Variants in TSPAN5 observed in about 807,000 individuals in gnomAD.
TSPAN5 encodes the protein tetraspanin 5, also known as tetraspanin-5.
A neutral mutation model predicts 37.1 loss-of-function variants in TSPAN5; 10 were observed. The ratio of observed to expected loss-of-function variants is 0.27; its 90% CI spans 0.17 to 0.46. TSPAN5 has a LOEUF of 0.46. Among genes scored for constraint, TSPAN5 ranks in the 20% least tolerant of loss-of-function variants. The probability of loss-of-function intolerance (pLI) is 1.00; values close to 1 mark genes in which losing one functional copy is unlikely to be tolerated. For synonymous variants in TSPAN5, 110 were observed against 118.9 expected, an observed-to-expected ratio of 0.93 and a Z score of 0.48; for missense variants, 195 against 326.6, an observed-to-expected ratio of 0.60 and a Z score of 3.11.
At chr4:98,570,927 C>A (rs1755104145) in intron 1 of TSPAN5, among the ~76,000 whole-genome samples, 1 of 151,610 alleles carries the variant, frequency 6.6e-6, no homozygotes, top group Non-Finnish European at 1.5e-5. Flanking sequence ...CAGGGCCTCT[C>A]AGGGTGCCTG....
chr4:98,570,478 T>C (rs1241331452), intron 1 of TSPAN5, among the ~76,000 whole-genome samples: 1 of 152,120 alleles, frequency 6.6e-6, no homozygotes, highest in African/African-American at 2.4e-5. Context: ...TACTTTCCAT[T>C]GACTGAAAAT....
At chr4:98,630,258 A>G (rs1756710181) in intron 1 of TSPAN5, among the ~76,000 whole-genome samples, 1 of 152,178 alleles carries the variant, frequency 6.6e-6, no homozygotes, top group East Asian at 1.9e-4. Flanking sequence ...CCAAACGAAA[A>G]GCACTGCAGC....
chr4:98,529,890 T>C (rs1416893116), intron 1 of TSPAN5, among the ~76,000 whole-genome samples: 1 of 152,198 alleles, frequency 6.6e-6, no homozygotes, highest in Non-Finnish European at 1.5e-5. Context: ...ACTGCTGTAA[T>C]CCTAAAAAGA....
At position 98,552,957 on chromosome 4, in the gene TSPAN5, C is replaced by T. The variant is rs1754656543; in HGVS notation, c.82-45229G>A. Among the ~76,000 whole-genome samples the T allele has an allele frequency of 3.9e-5, 6 of 152,154 alleles. No individual in the cohort carries two copies. In the South Asian group the frequency reaches 1.2e-3, roughly 32 times the overall value. ...TCCCTTCTCCATAACTAGTTTACCT[C>T]TTAAAGGGTATCTGGAATTTCAGTT... On this transcript the variant is annotated intron_variant, in intron 1 of 7. Transcript: ENST00000305798.
chr4:98,593,850 C>T (rs35862935), intron 1 of TSPAN5, among the ~76,000 whole-genome samples: 1,546 of 44,726 alleles, frequency 0.035, 453 homozygotes, highest in East Asian at 0.19. Flanking sequence ...AGCCTTGTAG[C>T]ATAGTTTGAA....
At chr4:98,591,069 GTTTT>G (rs200525592) in intron 1 of TSPAN5, among the ~76,000 whole-genome samples, 2 of 137,922 alleles carry the variant, frequency 1.5e-5, no homozygotes, top group African/African-American at 2.9e-5. Context: ...CCTTTTTTTT[GTTTT>G]TTTGTTTTTT....
chr4:98,562,564 G>A (rs1421238910), intron 1 of TSPAN5, among the ~76,000 whole-genome samples: 1 of 152,176 alleles, frequency 6.6e-6, no homozygotes, highest in Non-Finnish European at 1.5e-5. Context: ...AGGAGGCTGA[G>A]GCAGGAGAAC....
At chr4:98,519,830 G>A (rs1168327233) in intron 1 of TSPAN5, among the ~76,000 whole-genome samples, 1 of 152,148 alleles carries the variant, frequency 6.6e-6, no homozygotes, top group Non-Finnish European at 1.5e-5. Flanking sequence ...TAGCATTCAG[G>A]TTCCACCATT....
chr4:98,523,921 T>C (rs1194095922), intron 1 of TSPAN5, among the ~76,000 whole-genome samples: 1 of 152,136 alleles, frequency 6.6e-6, no homozygotes, highest in Non-Finnish European at 1.5e-5. Context: ...CACTCTCAAT[T>C]TTCTCTCCCA....
chr4:98,500,521 G>A (rs1753320998), intron 2 of TSPAN5, among the ~76,000 whole-genome samples: 1 of 152,196 alleles, frequency 6.6e-6, no homozygotes, highest in African/African-American at 2.4e-5. Flanking sequence ...TGCAATGGAG[G>A]ATGACAGGGG....
chr4:98,492,557 G>A (rs751718488), intron 2 of TSPAN5, among the ~76,000 whole-genome samples: 4 of 152,092 alleles, frequency 2.6e-5, no homozygotes, highest in African/African-American at 7.2e-5. Flanking sequence ...GCACGTAAAC[G>A]CACACACAGA....
chr4:98,519,439 A>G (rs1290129456), intron 1 of TSPAN5, among the ~76,000 whole-genome samples: 2 of 152,174 alleles, frequency 1.3e-5, no homozygotes, highest in African/African-American at 4.8e-5. Flanking sequence ...TCAAGGTTAC[A>G]TTGAGGTATG....
intron 1 of TSPAN5, among the ~76,000 whole-genome samples, chr4:98,550,101 C>T (rs1008986058): frequency 6.6e-6 from 1 of 152,120 alleles, no homozygotes; most frequent in Non-Finnish European, 1.5e-5. Flanking sequence ...CATTCTTCTA[C>T]AACATACATC....
intron 7 of TSPAN5, among the ~76,000 whole-genome samples, 177 bp downstream of exon 7, chr4:98,476,008 AAAAT>A (rs1044237601): frequency 3.3e-5 from 5 of 152,204 alleles, no homozygotes; most frequent in Non-Finnish European, 7.4e-5. Context: ...ATTAATAAAT[AAAAT>A]AAATAAATAA....
intron 1 of TSPAN5, among the ~76,000 whole-genome samples, chr4:98,609,609 C>CAGGT (rs1351188910): frequency 2.0e-5 from 3 of 152,184 alleles, no homozygotes; most frequent in Non-Finnish European, 4.4e-5. Context: ...CTCTCGTGTC[C>CAGGT]AGGTGCAGGT....
intron 1 of TSPAN5, among the ~76,000 whole-genome samples, chr4:98,549,310 TTG>T (rs201681618): frequency 0.65 from 94,691 of 145,034 alleles, 30,599 homozygotes; most frequent in South Asian, 0.81. Flanking sequence ...TTGTTTTTTT[TTG>T]TTTTTTTTGA....
chr4:98,546,530 C>G (rs551774008), intron 1 of TSPAN5, among the ~76,000 whole-genome samples: 1 of 152,140 alleles, frequency 6.6e-6, no homozygotes, highest in Non-Finnish European at 1.5e-5. Flanking sequence ...CTTGTGAAAC[C>G]TTTTTGCTTA....
chr4:98,534,869 C>G (rs1345146685), intron 1 of TSPAN5, among the ~76,000 whole-genome samples: 1 of 151,816 alleles, frequency 6.6e-6, no homozygotes, highest in East Asian at 1.9e-4. Context: ...TTGGTTTTGG[C>G]TTTCCATTTG....
chr4:98,482,435 T>C (rs1752861472), intron 3 of TSPAN5: 2 of 296,752 alleles, frequency 6.7e-6, no homozygotes, highest in East Asian at 7.1e-5. Context: ...TAAGCAAACA[T>C]GGATAATAAG....
Sources: gnomAD v4.1 joint callset for allele counts (sites outside exome capture counted in the v4.1 genomes callset) on GRCh38, gnomAD v4.1.1 for gene constraint, MANE v1.5 for transcripts, NCBI Gene and HGNC (gene_info 2026-07-23, HGNC 2026-07-21) for gene names.